Variants in RHBDD1 observed in about 807,000 individuals in gnomAD.
The protein encoded by RHBDD1 is rhomboid domain containing 1.
A neutral mutation model predicts 36.3 loss-of-function variants in RHBDD1; 38 were observed. That is an observed-to-expected ratio of 1.05 (90% CI 0.81 to 1.37). The LOEUF is 1.37. Ranked by LOEUF, RHBDD1 falls within the 40% of genes most tolerant of loss-of-function variation. The probability of loss-of-function intolerance (pLI) is 0.00; values close to 1 mark genes in which losing one functional copy is unlikely to be tolerated. For missense variants in RHBDD1, 393 were observed against 377.6 expected, an observed-to-expected ratio of 1.04 and a Z score of -0.34; for synonymous variants, 151 against 136.5, an observed-to-expected ratio of 1.11 and a Z score of -0.74.
Position 226,865,241 on chromosome 2 carries a change from A to G in RHBDD1, c.433+115A>G, listed in dbSNP as rs748542137. On this transcript the variant is annotated intron_variant, in intron 4 of 8. Coordinates refer to ENST00000392062, the MANE Select transcript of RHBDD1 (RefSeq NM_001167608.3). ...AATTCTGAGTGGTTAAGGGCTGCTG[A>G]GGCTTTGCGTCTTGAAGAGGAGGCT... 6.3e-4 allele frequency: 512 copies of G among 809,032 alleles called. 1 individual carries two copies. Among genetic ancestry groups the G allele is most frequent in the Non-Finnish European group, 8.1e-4 (400 of 493,910 alleles). 50.1% of individuals were successfully genotyped at this position (809,032 alleles called of 1,614,324 possible).
intron 5 of RHBDD1, among the ~76,000 whole-genome samples, chr2:226,897,194 A>AT (rs1392140019): frequency 6.6e-6 from 1 of 152,170 alleles, no homozygotes; most frequent in Non-Finnish European, 1.5e-5. Flanking sequence ...ACTTCTGAGC[A>AT]TGCTAGCTCC....
At chr2:226,848,326 A>G (rs561549417) in intron 3 of RHBDD1, among the ~76,000 whole-genome samples, 11 of 152,320 alleles carry the variant, frequency 7.2e-5, no homozygotes, top group African/African-American at 2.6e-4. Context: ...ATGCATGAAT[A>G]TCTTAACATG....
In RHBDD1 at chr2:226,977,357, C is replaced by T. The variant is rs115132706; in HGVS notation, c.857-18074C>T. On this transcript the variant is annotated intron_variant, in intron 8 of 8. Transcript: ENST00000392062. ...TTGCTTTTCAGCCTTGTCTGCCCCA[C>T]TGAGTGTCCGAAATAGCCGGCTGGA... 5.4e-3 allele frequency among the ~76,000 whole-genome samples: 817 copies of T among 152,272 alleles called. 4 individuals carry two copies. The highest frequency in any genetic ancestry group is 9.4e-3 in the Non-Finnish European group (637 of 68,026).
intron 5 of RHBDD1, among the ~76,000 whole-genome samples, chr2:226,872,906 A>G (rs1944903413): frequency 6.6e-6 from 1 of 152,258 alleles, no homozygotes; most frequent in Non-Finnish European, 1.5e-5. Flanking sequence ...GGAACATGGT[A>G]CATTTATAAT....
intron 8 of RHBDD1, among the ~76,000 whole-genome samples, chr2:226,977,290 C>T (rs1954779460): frequency 6.6e-6 from 1 of 152,098 alleles, no homozygotes; most frequent in Non-Finnish European, 1.5e-5. Flanking sequence ...ATGACTGCCG[C>T]CTCCTTTTTT....
the RHBDD1 span, chr2:226,804,528 A>C: frequency 2.0e-5 from 3 of 152,196 alleles, no homozygotes; most frequent in Non-Finnish European, 4.4e-5. Flanking sequence ...TTTCCTTTGA[A>C]GAATATCAAT....
At chr2:226,813,661 A>G in the RHBDD1 span, among the ~76,000 whole-genome samples, 1 of 152,214 alleles carries the variant, frequency 6.6e-6, no homozygotes, top group Non-Finnish European at 1.5e-5. Context: ...TCAAGTATCA[A>G]TAAGATAGGA....
At position 226,864,863 on chromosome 2, in the gene RHBDD1, A is replaced by C. The variant is rs745862488; in HGVS notation, c.170A>C (p.Glu57Ala). 6.2e-7 allele frequency: 1 copy of C among 1,614,190 alleles called. No individual in the cohort carries two copies. The highest frequency in any genetic ancestry group is 8.5e-7 in the Non-Finnish European group (1 of 1,180,036). Residue 57 changes from glutamate (E) to alanine (A), a missense_variant, in exon 4 of 9, where the codon GAG becomes GCG. Coordinates refer to ENST00000392062, the MANE Select transcript of RHBDD1 (RefSeq NM_001167608.3). ...KPLYSSCLSV[E>A]KCYQQKDWQR... ...CTGTATAGCTCCTGCCTTAGTGTGG[A>C]GAAGTGTTACCAGCAAAAAGACTGG...
upstream of RHBDD1, among the ~76,000 whole-genome samples, chr2:226,832,936 G>A (rs535047194): frequency 1.0e-3 from 152 of 152,192 alleles, no homozygotes; most frequent in Middle Eastern, 0.014. Context: ...GCTTGAACCC[G>A]GGAGGCAGAG....
At chr2:226,934,786 A>G (rs778433957) in intron 8 of RHBDD1, among the ~76,000 whole-genome samples, 1 of 152,116 alleles carries the variant, frequency 6.6e-6, no homozygotes, top group Non-Finnish European at 1.5e-5. Flanking sequence ...GATGCCAACT[A>G]GGAACATTAG....
intron 5 of RHBDD1, among the ~76,000 whole-genome samples, chr2:226,898,368 C>G (rs1424501948): frequency 6.6e-6 from 1 of 152,158 alleles, no homozygotes; most frequent in Admixed American, 6.5e-5. Context: ...TGTCCAGATT[C>G]TTTTTGTCTG....
rs1262445729 is a variant in RHBDD1 at position 226,949,977 on chromosome 2, A to G, written c.856+35626A>G. Among the ~76,000 whole-genome samples the G allele has an allele frequency of 2.0e-5, 3 of 152,348 alleles. No individual in the cohort carries two copies. The East Asian group carries it at 5.8e-4, about 29-fold the overall frequency. ...ATTGTATCTGTTTTTCACGTACTCC[A>G]CAATGTTTTGAAATGCATATCTATT... On this transcript the variant is annotated intron_variant, in intron 8 of 8. Transcript: ENST00000392062.
At chr2:226,908,925 T>TA in intron 7 of RHBDD1, 47 bp downstream of exon 7, 2 of 1,224,534 alleles carry the variant, frequency 1.6e-6, no homozygotes, top group Non-Finnish European at 2.4e-6. Flanking sequence ...TTTTTAAAAT[T>TA]ATAGTGTTCA....
chr2:226,823,953 G>A, the RHBDD1 span, among the ~76,000 whole-genome samples: 1 of 152,096 alleles, frequency 6.6e-6, no homozygotes, highest in Non-Finnish European at 1.5e-5. Context: ...CCTCATGATT[G>A]AATCACACCC....
At chr2:226,967,555 T>C (rs772157390) in intron 8 of RHBDD1, among the ~76,000 whole-genome samples, 12 of 125,544 alleles carry the variant, frequency 9.6e-5, no homozygotes, top group African/African-American at 3.3e-4. Flanking sequence ...CACCTCTAAC[T>C]TTCTGCATGT....
rs1414442493 is a variant in RHBDD1 at position 226,882,453 on chromosome 2, AAGAAG to A, written c.566+15137_566+15141del. On this transcript the variant is annotated intron_variant, in intron 5 of 8. Transcript: ENST00000392062. Reference sequence around the variant, plus strand: ...CTCAAAAAAAAAAAAAAAAAAAAAAAAGAAGAAGAAGAAGAAGAAAAAGAAATGAT... The same window carrying A: ...CTCAAAAAAAAAAAAAAAAAAAAAAAAAGAAGAAGAAGAAAAAGAAATGAT... 4.8e-3 allele frequency among the ~76,000 whole-genome samples: 667 copies of A among 139,354 alleles called. 4 individuals carry two copies. The highest frequency in any genetic ancestry group is 0.02 in the South Asian group (88 of 4,490). 91.4% of individuals were successfully genotyped at this position (139,354 alleles called of 152,430 possible).
chr2:226,940,047 G>C (rs1950569097), intron 8 of RHBDD1, among the ~76,000 whole-genome samples: 1 of 152,066 alleles, frequency 6.6e-6, no homozygotes, highest in South Asian at 2.1e-4. Context: ...GGTGCTGGGA[G>C]AACTGGTTAG....
intron 8 of RHBDD1, among the ~76,000 whole-genome samples, chr2:226,915,412 G>A (rs1948830017): frequency 6.6e-6 from 1 of 152,116 alleles, no homozygotes; most frequent in Non-Finnish European, 1.5e-5. Flanking sequence ...GGTCCGGATC[G>A]CAGGGGTCCT....
intron 8 of RHBDD1, among the ~76,000 whole-genome samples, chr2:226,978,758 G>A (rs1392328810): frequency 1.3e-5 from 2 of 152,174 alleles, no homozygotes; most frequent in African/African-American, 4.8e-5. Context: ...GAGAGCTTCA[G>A]GCAAAGGACC....
Sources: allele counts gnomAD v4.1 joint callset (sites outside exome capture counted in the v4.1 genomes callset), GRCh38; gene constraint gnomAD v4.1.1; transcripts MANE v1.5; gene names NCBI Gene and HGNC (gene_info 2026-07-23, HGNC 2026-07-21).